ZNF423: variants seen among roughly 807,000 people sequenced by gnomAD.
The protein encoded by ZNF423 is zinc finger protein 423, also known as Ebf-associated zinc finger protein.
In ZNF423, 12 loss-of-function variants were observed where a neutral mutation model predicts 95.8. That is an observed-to-expected ratio of 0.13 (90% CI 0.08 to 0.20). ZNF423 has a LOEUF of 0.20. ZNF423 is among the 10% of genes least tolerant of loss of function. The pLI is 1.00. For synonymous variants in ZNF423, 749 were observed against 711.9 expected (o/e 1.05, Z -0.83); for missense variants, 1,316 against 1,737.1 (o/e 0.76, Z 4.31).
chr16:49,512,194 C>T (rs2151683001), intron 7 of ZNF423, among the ~76,000 whole-genome samples: 1 of 152,302 alleles, frequency 6.6e-6, no homozygotes, highest in South Asian at 2.1e-4. Context: ...GCACAGCTGG[C>T]ACAGATCAGG....
chr16:49,693,422 C>T (rs934175720), intron 3 of ZNF423, among the ~76,000 whole-genome samples: 1 of 152,214 alleles, frequency 6.6e-6, no homozygotes, highest in Non-Finnish European at 1.5e-5. Flanking sequence ...GCTCCTGGTC[C>T]TGTCTTATGC....
chr16:49,509,516 G>A (rs979068775), intron 7 of ZNF423, among the ~76,000 whole-genome samples: 2 of 152,098 alleles, frequency 1.3e-5, no homozygotes, highest in African/African-American at 2.4e-5. Flanking sequence ...GGCTGCTGAC[G>A]GGTGCTCCTG....
intron 3 of ZNF423, among the ~76,000 whole-genome samples, chr16:49,678,664 C>A (rs572756729): frequency 1.1e-3 from 163 of 152,304 alleles, no homozygotes; most frequent in African/African-American, 3.8e-3. Context: ...CCTCTCCTCA[C>A]CCCTGCACTG....
At chr16:49,512,669 A>G (rs1345517275) in intron 7 of ZNF423, among the ~76,000 whole-genome samples, 1 of 152,234 alleles carries the variant, frequency 6.6e-6, no homozygotes, top group Non-Finnish European at 1.5e-5. Flanking sequence ...ACCCTCAGCA[A>G]TCCTTCTATC....
chr16:49,616,298 G>A (rs927701908), intron 5 of ZNF423, among the ~76,000 whole-genome samples: 1 of 152,154 alleles, frequency 6.6e-6, no homozygotes, highest in Non-Finnish European at 1.5e-5. Context: ...GAGATAGAGT[G>A]CAGAGTGATG....
chr16:49,817,642 C>A (rs571951692), intron 1 of ZNF423, among the ~76,000 whole-genome samples: 40 of 152,186 alleles, frequency 2.6e-4, no homozygotes, highest in Non-Finnish European at 2.2e-4. Context: ...GGTGCTCAGG[C>A]AGAGCTGAGA....
Position 49,635,780 on chromosome 16 carries a change from C to T in ZNF423, c.3396G>A (p.Glu1132=), listed in dbSNP as rs766652392. 1.9e-6 allele frequency: 3 copies of T among 1,612,716 alleles called. No individual in the cohort carries two copies. The South Asian group carries it at 3.3e-5, about 18-fold the overall frequency. ...DRPCAGLRCP[E]CSVKFESAED... is the part of the protein sequence containing the mutation. ...CGGCACTCTCAAACTTGACACTGCA[C>T]TCGGGGCAACGGAGGCCGGCACAGG... The change falls in exon 4 of 8, where the codon GAG becomes GAA. Residue 1132 remains glutamate (E), a synonymous_variant. Transcript: ENST00000563137. The surrounding 1 kb of genome is among the most constrained non-coding windows in gnomAD (Gnocchi z 4.8).
At chr16:49,626,504 G>C (rs929268069) in intron 4 of ZNF423, among the ~76,000 whole-genome samples, 2 of 152,052 alleles carry the variant, frequency 1.3e-5, no homozygotes, top group Non-Finnish European at 2.9e-5. Flanking sequence ...TCAAGGTGAA[G>C]CTTTAAGGGA....
chr16:49,804,673 T>A (rs936346988), intron 1 of ZNF423, among the ~76,000 whole-genome samples: 6 of 152,148 alleles, frequency 3.9e-5, no homozygotes, highest in Admixed American at 2.0e-4. Flanking sequence ...AAGTTAGTTC[T>A]CACCTGCAGC....
intron 2 of ZNF423, among the ~76,000 whole-genome samples, chr16:49,746,337 G>A (rs746132362): frequency 4.6e-5 from 7 of 151,960 alleles, no homozygotes; most frequent in Admixed American, 6.6e-5. Context: ...AGATCTGCTT[G>A]GACTCATCGA....
chr16:49,620,552 G>A (rs1162603580), intron 5 of ZNF423, among the ~76,000 whole-genome samples: 1 of 152,160 alleles, frequency 6.6e-6, no homozygotes, highest in Non-Finnish European at 1.5e-5. Context: ...TGGCCTGGCT[G>A]CCCGCCAGAG....
At chr16:49,579,225 A>G (rs12931896) in intron 5 of ZNF423, among the ~76,000 whole-genome samples, 1 of 80,942 alleles carries the variant, frequency 1.2e-5, no homozygotes, top group South Asian at 4.9e-4. Context: ...CCCCACCCCC[A>G]CCCACTGCTG....
At chr16:49,585,999 G>A (rs372894506) in intron 5 of ZNF423, among the ~76,000 whole-genome samples, 2 of 152,122 alleles carry the variant, frequency 1.3e-5, no homozygotes, top group South Asian at 2.1e-4. Context: ...TGAGTAAAAT[G>A]AGACAGTGGG....
At chr16:49,648,794 C>T (rs1037313729) in intron 3 of ZNF423, among the ~76,000 whole-genome samples, 1 of 152,100 alleles carries the variant, frequency 6.6e-6, no homozygotes, top group Admixed American at 6.5e-5. Flanking sequence ...AGTATTCAGT[C>T]ACAACAAAGG....
chr16:49,649,179 A>C (rs918726293), intron 3 of ZNF423, among the ~76,000 whole-genome samples: 2 of 152,186 alleles, frequency 1.3e-5, no homozygotes, highest in Admixed American at 6.5e-5. Flanking sequence ...GGGATGACTA[A>C]GCGGGCAGAA....
At chr16:49,666,474 T>G (rs1467190742) in intron 3 of ZNF423, among the ~76,000 whole-genome samples, 1 of 152,250 alleles carries the variant, frequency 6.6e-6, no homozygotes, top group Non-Finnish European at 1.5e-5. Context: ...TAGTTATAAG[T>G]GAACAGTTAC....
In ZNF423 at chr16:49,664,215, G is replaced by A. The variant is rs1421618334; in HGVS notation, c.302-25341C>T. On this transcript the variant is annotated intron_variant, in intron 3 of 7. Transcript: ENST00000563137. Reference sequence around the variant, plus strand: ...GAGGGCTGGAGAGGCGCTTCCCACCGGCCCACTGGTGATCTCAGCCACGGG... The same window carrying A: ...GAGGGCTGGAGAGGCGCTTCCCACCAGCCCACTGGTGATCTCAGCCACGGG... 17 of 985,376 alleles carry A rather than the reference G, an allele frequency of 1.7e-5. No homozygotes were observed. The East Asian group carries it at 8.0e-4, about 46-fold the overall frequency. 61.0% of individuals were successfully genotyped at this position (985,376 alleles called of 1,614,324 possible).
intron 3 of ZNF423, among the ~76,000 whole-genome samples, chr16:49,660,321 G>T (rs1026911258): frequency 8.5e-5 from 13 of 152,220 alleles, no homozygotes. Flanking sequence ...GAAGTCCAGG[G>T]CTTCGTCTAA....
intron 1 of ZNF423, among the ~76,000 whole-genome samples, chr16:49,843,842 C>A (rs60972513): frequency 0.2 from 30,401 of 151,562 alleles, 3,156 homozygotes; most frequent in African/African-American, 0.26. Flanking sequence ...ACCACCCCCC[C>A]TCCAAAGATG....
Sources: allele counts gnomAD v4.1 joint callset (sites outside exome capture counted in the v4.1 genomes callset), GRCh38; gene constraint gnomAD v4.1.1; non-coding constraint Gnocchi (gnomAD v3.1); transcripts MANE v1.5; gene names NCBI Gene and HGNC (gene_info 2026-07-23, HGNC 2026-07-21).